The following SLC3A1 variants were observed in gnomAD, a reference collection of about 807,000 sequenced individuals.
The protein encoded by SLC3A1 is solute carrier family 3 member 1, also known as amino acid transporter heavy chain SLC3A1.
Under a neutral mutation model 60.3 loss-of-function variants are expected in SLC3A1, and 78 were observed. The ratio of observed to expected loss-of-function variants is 1.29; its 90% CI spans 1.08 to 1.56. SLC3A1 has a LOEUF of 1.56. Ranked by LOEUF, SLC3A1 falls within the 40% of genes most tolerant of loss-of-function variation. SLC3A1 has a pLI of 0.00. For missense variants in SLC3A1, 1,172 were observed against 858.9 expected (o/e 1.36, Z -4.56); for synonymous variants, 392 against 307.9 (o/e 1.27, Z -2.86).
At position 44,275,868 on chromosome 2, in the gene SLC3A1, T is replaced by C. The variant is rs1671331892; in HGVS notation, c.333T>C (p.Ser111=). 1.2e-6 allele frequency: 2 copies of C among 1,614,180 alleles called. No homozygotes were observed. Among genetic ancestry groups the C allele is most frequent in the Non-Finnish European group, 1.7e-6 (2 of 1,180,036 alleles). The change falls in exon 1 of 10, where the codon TCT becomes TCC. Residue 111 remains serine, a synonymous_variant. Coordinates refer to ENST00000260649, the MANE Select transcript of SLC3A1 (RefSeq NM_000341.4). The stretch of plus-strand genomic sequence containing the variant: ...CCACCATAGCCATCATTGCCCTCTC[T>C]CCAAAGTGCCTAGACTGGTGGCAGG... ...IAATIAIIAL[S]PKCLDWWQEG... is the part of the protein sequence containing the mutation.
intron 6 of SLC3A1, chr2:44,301,360 C>T: frequency 6.5e-6 from 4 of 614,482 alleles, no homozygotes; most frequent in Non-Finnish European, 1.2e-5. Context: ...CTACGTACTT[C>T]ACAGGAGTTT....
chr2:44,287,760 G>T (rs1264218242), intron 4 of SLC3A1, among the ~76,000 whole-genome samples: 1 of 152,140 alleles, frequency 6.6e-6, no homozygotes, highest in South Asian at 2.1e-4. Flanking sequence ...GAGTAGGGGA[G>T]TCCTCTGAGC....
chr2:44,319,499 T>C (rs1471453995), intron 9 of SLC3A1: 3 of 151,882 alleles, frequency 2.0e-5, no homozygotes, highest in Non-Finnish European at 4.4e-5. Context: ...AAAACATTTA[T>C]GGAGGCTATA....
intron 1 of SLC3A1, among the ~76,000 whole-genome samples, chr2:44,279,665 A>G (rs1671446999): frequency 6.6e-6 from 1 of 152,212 alleles, no homozygotes; most frequent in African/African-American, 2.4e-5. Flanking sequence ...TAATTTTCAT[A>G]TGTTCTGTTT....
intron 7 of SLC3A1, among the ~76,000 whole-genome samples, chr2:44,305,653 C>T (rs1478301879): frequency 6.6e-6 from 1 of 151,948 alleles, no homozygotes; most frequent in Non-Finnish European, 1.5e-5. Flanking sequence ...TTCTTGAACT[C>T]CTGACCTCGT....
intron 7 of SLC3A1, among the ~76,000 whole-genome samples, chr2:44,307,047 C>A (rs189157250): frequency 7.6e-4 from 116 of 152,264 alleles, no homozygotes; most frequent in African/African-American, 2.7e-3. Flanking sequence ...CACCTACTTT[C>A]CGTGTCTATG....
In SLC3A1 at chr2:44,280,710, C is replaced by T. The variant is rs1403568433; in HGVS notation, c.431-6C>T. 6.3e-7 allele frequency: 1 copy of T among 1,598,928 alleles called. No homozygotes were observed. On this transcript the variant is annotated splice_polypyrimidine_tract_variant and splice_region_variant and intron_variant, in intron 1 of 9. Coordinates refer to ENST00000260649, the MANE Select transcript of SLC3A1 (RefSeq NM_000341.4). ...GTTTATTCATGACTTTGACTTTTTT[C>T]TTCAGGTATTCAAGATAAACTGGAC... is the stretch of plus-strand genomic sequence containing the variant.
intron 4 of SLC3A1, among the ~76,000 whole-genome samples, chr2:44,290,729 T>G (rs1456490302): frequency 2.0e-5 from 3 of 151,440 alleles, no homozygotes. Flanking sequence ...AGAATTTGTA[T>G]GAATTGTTTT....
chr2:44,281,107 C>T (rs1249799906), intron 2 of SLC3A1, among the ~76,000 whole-genome samples: 4 of 140,248 alleles, frequency 2.9e-5, no homozygotes, highest in Non-Finnish European at 1.5e-5. Context: ...TTTCCTTTTT[C>T]CTTCCCTATC....
intron 7 of SLC3A1, among the ~76,000 whole-genome samples, chr2:44,305,053 A>T (rs1422230039): frequency 6.6e-6 from 1 of 151,374 alleles, no homozygotes; most frequent in Non-Finnish European, 1.5e-5. Flanking sequence ...CTTGTCTTAA[A>T]CTCCTGACCT....
chr2:44,296,927 A>T (rs1406682435), intron 4 of SLC3A1, among the ~76,000 whole-genome samples: 1 of 152,180 alleles, frequency 6.6e-6, no homozygotes, highest in Non-Finnish European at 1.5e-5. Context: ...GCTGTCATGT[A>T]AGATGTGACT....
chr2:44,291,008 GT>G (rs935191078), intron 4 of SLC3A1, among the ~76,000 whole-genome samples: 9 of 152,114 alleles, frequency 5.9e-5, no homozygotes, highest in Non-Finnish European at 7.4e-5. Context: ...AATTTACGAG[GT>G]TTTGTGATCA....
chr2:44,308,707 A>G (rs2104377959), intron 7 of SLC3A1, among the ~76,000 whole-genome samples: 1 of 151,966 alleles, frequency 6.6e-6, no homozygotes, highest in African/African-American at 2.4e-5. Flanking sequence ...TTCGTTTCTA[A>G]TAGTTTATTG....
intron 4 of SLC3A1, among the ~76,000 whole-genome samples, chr2:44,294,590 T>A (rs1045422034): frequency 6.6e-6 from 1 of 152,164 alleles, no homozygotes; most frequent in Non-Finnish European, 1.5e-5. Flanking sequence ...TACTATGTTA[T>A]TGATGGAGAC....
chr2:44,314,300 G>C (rs1009398392), intron 9 of SLC3A1: 3 of 528,496 alleles, frequency 5.7e-6, no homozygotes, highest in South Asian at 4.6e-5. Flanking sequence ...GGAGAGAGGC[G>C]AGTGGATAGG....
chr2:44,321,607 A>C (rs972792240), downstream of SLC3A1: 2 of 1,480,386 alleles, frequency 1.4e-6, no homozygotes, highest in African/African-American at 2.8e-5. Flanking sequence ...CCAACAATTA[A>C]GATTAAATTA....
chr2:44,320,472 A>C lies in SLC3A1; in HGVS notation c.1891A>C (p.Ser631Arg), dbSNP rs750986488. 4 of 1,614,190 alleles carry C rather than the reference A, an allele frequency of 2.5e-6. No homozygotes were observed. The highest frequency in any genetic ancestry group is 3.4e-6 in the Non-Finnish European group (4 of 1,179,986). Residue 631 changes from serine to arginine, a missense_variant, in exon 10 of 10, where the codon AGT (serine) becomes CGT (arginine). Ser to Arg is a moderately radical substitution (Grantham distance 110). Transcript: ENST00000260649. ...RLSTNSADKG[S>R]KVDTSGIFLD... is the part of the protein sequence containing the mutation. The stretch of plus-strand genomic sequence containing the variant: ...AAGTACCAATTCTGCCGACAAAGGC[A>C]GTAAAGTTGATACAAGTGGCATTTT...
At chr2:44,286,522 C>T (rs1353463082) in intron 4 of SLC3A1, among the ~76,000 whole-genome samples, 4 of 109,648 alleles carry the variant, frequency 3.6e-5, no homozygotes, top group Non-Finnish European at 2.2e-5. Flanking sequence ...GTGAGCTGTG[C>T]GGTGCCTGTG....
At position 44,275,738 on chromosome 2, in the gene SLC3A1, T is replaced by A. The variant is rs776821181; in HGVS notation, c.203T>A (p.Met68Lys). Residue 68 changes from methionine to lysine, a missense_variant, in exon 1 of 10, where the codon ATG (methionine) becomes AAG (lysine). Met to Lys is a moderately conservative substitution (Grantham distance 95, BLOSUM62 -1). Transcript: ENST00000260649. ...DFKGVQPYAG[M>K]PKEVLFQFSG... ...AAGGGCGTCCAGCCCTATGCGGGGA[T>A]GCCCAAGGAGGTGCTGTTCCAGTTC... 3 of 1,614,212 alleles carry A rather than the reference T, an allele frequency of 1.9e-6. No individual in the cohort carries two copies. Among genetic ancestry groups the A allele is most frequent in the African/African-American group, 2.7e-5 (2 of 75,068 alleles).
Sources: allele counts gnomAD v4.1 joint callset (sites outside exome capture counted in the v4.1 genomes callset), GRCh38; gene constraint gnomAD v4.1.1; transcripts MANE v1.5; gene names NCBI Gene and HGNC (gene_info 2026-07-23, HGNC 2026-07-21).